The following PRDM1 variants were observed in gnomAD, a reference collection of about 807,000 sequenced individuals.
PRDM1 encodes the protein PR/SET domain 1, also known as PR domain zinc finger protein 1.
In PRDM1, 13 loss-of-function variants were observed where a neutral mutation model predicts 62.8. The observed-to-expected ratio is 0.21, with a 90% confidence interval of 0.13 to 0.33. The LOEUF (loss-of-function observed/expected upper bound fraction) is 0.33, where lower values mean the gene tolerates loss of function less well. PRDM1 is among the 10% of genes least tolerant of loss of function. PRDM1 has a pLI of 1.00. For missense variants in PRDM1, 895 were observed against 1,058.8 expected (o/e 0.85, Z 2.15); for synonymous variants, 396 against 417.6 (o/e 0.95, Z 0.63).
intron 3 of PRDM1, among the ~76,000 whole-genome samples, chr6:106,096,992 A>G (rs548218301): frequency 6.6e-6 from 1 of 152,346 alleles, no homozygotes; most frequent in South Asian, 2.1e-4. Flanking sequence ...TCGGACAAGA[A>G]GCTATTCCTA....
At chr6:106,046,102 A>C (rs538917472), upstream of PRDM1, 23 of 152,372 alleles carry the variant, frequency 1.5e-4, no homozygotes, top group Admixed American at 6.5e-4. Context: ...GGAAAAAAAA[A>C]CAAAACCAAA....
intron 3 of PRDM1, chr6:106,098,691 C>T: frequency 4.4e-6 from 6 of 1,369,284 alleles, no homozygotes; most frequent in Non-Finnish European, 5.8e-6. Flanking sequence ...GTGAAGTTCA[C>T]CTTTGCCCCA....
At chr6:106,048,642 G>A (rs1435166258) in exon 1 of PRDM1, among the ~76,000 whole-genome samples, 1 of 152,182 alleles carries the variant, frequency 6.6e-6, no homozygotes, top group Non-Finnish European at 1.5e-5. Flanking sequence ...CTGCAGTAAA[G>A]TGGGGTTGCC....
At chr6:106,062,006 A>G (rs901694360) in intron 1 of PRDM1, among the ~76,000 whole-genome samples, 2 of 152,240 alleles carry the variant, frequency 1.3e-5, no homozygotes, top group Non-Finnish European at 2.9e-5. Flanking sequence ...GAAAAATGCC[A>G]GTATAGGCAA....
At chr6:106,098,250 TA>T (rs1338023843) in intron 3 of PRDM1, 2 of 985,100 alleles carry the variant, frequency 2.0e-6, no homozygotes, top group South Asian at 4.7e-5. Flanking sequence ...TCTTAAAGTC[TA>T]AAGTAAAGGT....
upstream of PRDM1, among the ~76,000 whole-genome samples, chr6:106,047,742 G>A (rs1773104602): frequency 6.6e-6 from 1 of 152,226 alleles, no homozygotes; most frequent in African/African-American, 2.4e-5. Flanking sequence ...GTGACAAAGA[G>A]AGTAGGAACT....
intron 1 of PRDM1, among the ~76,000 whole-genome samples, chr6:106,069,021 G>T (rs576666623): frequency 6.6e-6 from 1 of 152,254 alleles, no homozygotes; most frequent in East Asian, 1.9e-4. Flanking sequence ...AGCACACCAG[G>T]TTGTGGGGAT....
Position 106,105,212 on chromosome 6 carries a change from G to A in PRDM1, c.1052G>A (p.Ser351Asn). ...SSPDQSLKSSSPHSSPGNTVS... is the reference protein window; with the variant it reads ...SSPDQSLKSSNPHSSPGNTVS... ...CCCGACCAAAGCCTCAAGAGCTCCA[G>A]CCCTCACAGCAGCCCTGGGAATACG... The change falls in exon 5 of 7, where the codon AGC (serine) becomes AAC (asparagine). Residue 351 changes from serine to asparagine, a missense_variant. Coordinates refer to ENST00000369096, the MANE Select transcript of PRDM1 (RefSeq NM_001198.4). The A allele has an allele frequency of 7.4e-6, 12 of 1,613,704 alleles. No individual in the cohort carries two copies. Among genetic ancestry groups the A allele is most frequent in the Non-Finnish European group, 9.3e-6 (11 of 1,179,992 alleles).
intron 1 of PRDM1, among the ~76,000 whole-genome samples, chr6:106,065,744 T>G (rs995191691): frequency 1.3e-5 from 2 of 152,046 alleles, no homozygotes; most frequent in African/African-American, 4.8e-5. Context: ...AGATAAGAGG[T>G]TAGGATAAAA....
At chr6:106,050,788 G>C (rs540834270) in intron 1 of PRDM1, among the ~76,000 whole-genome samples, 1 of 152,230 alleles carries the variant, frequency 6.6e-6, no homozygotes, top group South Asian at 2.1e-4. Flanking sequence ...TTTCTTCTCT[G>C]AGTTAAAATA....
chr6:106,071,131 G>A (rs1773509025), intron 1 of PRDM1, among the ~76,000 whole-genome samples: 1 of 152,076 alleles, frequency 6.6e-6, no homozygotes, highest in Admixed American at 6.6e-5. Flanking sequence ...AATTAGCCAG[G>A]CGTGGTGGTG....
chr6:106,062,962 A>G (rs1346327892), intron 1 of PRDM1, among the ~76,000 whole-genome samples: 1 of 152,154 alleles, frequency 6.6e-6, no homozygotes, highest in African/African-American at 2.4e-5. Context: ...GGATTCCCTT[A>G]CCAGCAAAGG....
intron 3 of PRDM1, among the ~76,000 whole-genome samples, chr6:106,097,324 C>T (rs964029687): frequency 2.6e-5 from 4 of 152,150 alleles, no homozygotes; most frequent in Non-Finnish European, 1.5e-5. Context: ...CAAGAAGTAC[C>T]TAAGAATCTC....
intron 1 of PRDM1, among the ~76,000 whole-genome samples, chr6:106,075,476 C>T (rs1773591990): frequency 6.6e-6 from 1 of 152,158 alleles, no homozygotes; most frequent in Admixed American, 6.5e-5. Flanking sequence ...TTGAGAAATG[C>T]AAGACATTTT....
intron 2 of PRDM1, 92 bp downstream of exon 2, chr6:106,088,541 T>G (rs1773875984): frequency 7.2e-7 from 1 of 1,392,956 alleles, no homozygotes; most frequent in South Asian, 1.3e-5. Context: ...TGAAAACCTC[T>G]GAGAATCTGT....
At chr6:106,067,752 A>T (rs1773455456) in intron 1 of PRDM1, among the ~76,000 whole-genome samples, 1 of 152,196 alleles carries the variant, frequency 6.6e-6, no homozygotes, top group South Asian at 2.1e-4. Flanking sequence ...TAATAGGATC[A>T]GAGTTTCTGT....
intron 1 of PRDM1, among the ~76,000 whole-genome samples, chr6:106,056,076 A>G (rs1025528870): frequency 1.3e-5 from 2 of 152,222 alleles, no homozygotes; most frequent in Non-Finnish European, 2.9e-5. Flanking sequence ...TAAAATTAAA[A>G]GTAAATCCTT....
chr6:106,089,090 G>A (rs1239033228), intron 2 of PRDM1, among the ~76,000 whole-genome samples: 1 of 152,192 alleles, frequency 6.6e-6, no homozygotes, highest in Non-Finnish European at 1.5e-5. Flanking sequence ...TCTGAAGTGG[G>A]TACACTCTTT....
At chr6:105,998,899 A>G (rs1772386012) in intron 1 of PRDM1, among the ~76,000 whole-genome samples, 2 of 3,460 alleles carry the variant, frequency 5.8e-4, no homozygotes. Flanking sequence ...ACATATATAT[A>G]TATATATATA....
Sources: gnomAD v4.1 joint callset for allele counts (sites outside exome capture counted in the v4.1 genomes callset) on GRCh38, gnomAD v4.1.1 for gene constraint, MANE v1.5 for transcripts, NCBI Gene and HGNC (gene_info 2026-07-23, HGNC 2026-07-21) for gene names.